The following MTREX variants were observed in gnomAD, a reference collection of about 807,000 sequenced individuals.
MTREX encodes the protein Mtr4 exosome RNA helicase.
Under a neutral mutation model 135.4 loss-of-function variants are expected in MTREX, and 76 were observed. That is an observed-to-expected ratio of 0.56 (90% CI 0.47 to 0.68). The LOEUF (loss-of-function observed/expected upper bound fraction) is 0.68. Among genes scored for constraint, MTREX ranks in the 30% least tolerant of loss-of-function variants. The probability of loss-of-function intolerance (pLI) is 0.00; values close to 1 mark genes in which losing one functional copy is unlikely to be tolerated. For missense variants in MTREX, 920 were observed against 1,262.1 expected (o/e 0.73, Z 4.11); for synonymous variants, 404 against 401.6 (o/e 1.01, Z -0.07).
At chr5:55,372,892 ATGTGTGTGTGTGTGTG>A (rs59026723) in intron 16 of MTREX, among the ~76,000 whole-genome samples, 34 of 120,990 alleles carry the variant, frequency 2.8e-4, no homozygotes, top group South Asian at 1.8e-3. Flanking sequence ...TAAAACTGTA[ATGTGTGTGTGTGTGTG>A]TGTGTGTGTG....
Position 55,416,101 on chromosome 5 carries a change from C to A in MTREX, c.2940C>A (p.Ala980=). 2 of 1,586,644 alleles carry A rather than the reference C, an allele frequency of 1.3e-6. No individual in the cohort carries two copies. The highest frequency in any genetic ancestry group is 1.9e-5 in the Admixed American group (1 of 53,442). The stretch of plus-strand genomic sequence containing the variant: ...CCTGGGCAACTGGAGCTACATTTGC[C>A]CATATCTGCAAAATGACAGATGTCT... ...VYTWATGATF[A]HICKMTDVFE... The change falls in exon 25 of 27, where the codon GCC becomes GCA. Residue 980 remains alanine (A), a synonymous_variant. Coordinates refer to ENST00000230640, the MANE Select transcript of MTREX (RefSeq NM_015360.5).
Position 55,414,247 on chromosome 5 carries a change from T to TG in MTREX, c.2808+9_2808+10insG. ...CACTTCGTCAAATGCAGGTAAGGTT[T>TG]TTTTTTTTTTTTTTTGAACTACATA... On this transcript the variant is annotated intron_variant, in intron 24 of 26. Transcript: ENST00000230640. The TG allele has an allele frequency of 1.1e-5, 16 of 1,402,458 alleles. No homozygotes were observed. Among genetic ancestry groups the TG allele is most frequent in the South Asian group, 2.9e-5 (2 of 69,238 alleles). 86.9% of individuals were successfully genotyped at this position (1,402,458 alleles called of 1,614,324 possible). A position where few individuals can be genotyped will look rare whatever the true frequency, so the allele number is the denominator to read the frequency against.
chr5:55,331,207 A>T (rs1749469416), intron 5 of MTREX, among the ~76,000 whole-genome samples: 1 of 151,958 alleles, frequency 6.6e-6, no homozygotes, highest in Non-Finnish European at 1.5e-5. Flanking sequence ...TTCATTACAG[A>T]CTGTGTTTTC....
chr5:55,377,950 G>A (rs1270244371), intron 16 of MTREX, among the ~76,000 whole-genome samples: 1 of 150,992 alleles, frequency 6.6e-6, no homozygotes, highest in Non-Finnish European at 1.5e-5. Flanking sequence ...CATTTGAAAA[G>A]AGATCCTGAG....
In MTREX at chr5:55,331,185, T is replaced by TA. The variant is rs200665492; in HGVS notation, c.515+2383dup. ...CATTTTTGGATCTGATTTTATTGAT[T>TA]AAAAAAAAATTTTCATTACAGACTG... On this transcript the variant is annotated intron_variant, in intron 5 of 26. Transcript: ENST00000230640. 4.9e-4 allele frequency among the ~76,000 whole-genome samples: 74 copies of TA among 152,020 alleles called. No homozygotes were observed. The East Asian group carries it at 0.014, about 29-fold the overall frequency.
intron 3 of MTREX, among the ~76,000 whole-genome samples, chr5:55,327,086 C>T (rs1480412438): frequency 6.6e-6 from 1 of 152,156 alleles, no homozygotes; most frequent in Non-Finnish European, 1.5e-5. Flanking sequence ...TTTTCTTTAT[C>T]CAGTCTATCA....
At chr5:55,359,236 G>A (rs1238107657) in intron 15 of MTREX, among the ~76,000 whole-genome samples, 2 of 152,174 alleles carry the variant, frequency 1.3e-5, no homozygotes, top group South Asian at 2.1e-4. Flanking sequence ...TTGTGCTTCG[G>A]ATGGTCTAGG....
chr5:55,343,565 AC>A lies in MTREX; in HGVS notation c.906+111del, dbSNP rs113678519. 2.7e-3 allele frequency: 2,508 copies of A among 925,014 alleles called. 40 individuals carry two copies. The African/African-American group carries it at 0.036, about 13-fold the overall frequency. The allele number at this position is 925,014 out of a possible 1,614,324, so 57.3% of individuals were successfully genotyped here. On this transcript the variant is annotated intron_variant, in intron 8 of 26. Coordinates refer to ENST00000230640, the MANE Select transcript of MTREX (RefSeq NM_015360.5). ...GATGTTGTCCAGAATAATAAAAAAAACATTTTAATGGTAAACTGCTTCTCAA... is the reference window on the plus strand; with the variant it reads ...GATGTTGTCCAGAATAATAAAAAAAAATTTTAATGGTAAACTGCTTCTCAA...
intron 16 of MTREX, among the ~76,000 whole-genome samples, chr5:55,375,632 G>C (rs1239366083): frequency 6.6e-6 from 1 of 152,008 alleles, no homozygotes; most frequent in Non-Finnish European, 1.5e-5. Flanking sequence ...AACTATTACA[G>C]GGTCCTGAGG....
At chr5:55,375,619 T>C (rs1172182910) in intron 16 of MTREX, among the ~76,000 whole-genome samples, 2 of 152,132 alleles carry the variant, frequency 1.3e-5, no homozygotes, top group Non-Finnish European at 2.9e-5. Context: ...GTGCAGTTAA[T>C]GCAACTATTA....
intron 1 of MTREX, among the ~76,000 whole-genome samples, chr5:55,320,962 G>A (rs964670873): frequency 6.6e-6 from 1 of 152,100 alleles, no homozygotes; most frequent in African/African-American, 2.4e-5. Flanking sequence ...TACAGAAACA[G>A]GTGAATCCTG....
chr5:55,418,340 T>G (rs1005729940), intron 25 of MTREX, among the ~76,000 whole-genome samples: 2 of 151,004 alleles, frequency 1.3e-5, no homozygotes, highest in Non-Finnish European at 2.9e-5. Context: ...AAAATTGTCT[T>G]TATGGATTAT....
chr5:55,351,242 T>C (rs535427629), intron 13 of MTREX, among the ~76,000 whole-genome samples: 59 of 152,250 alleles, frequency 3.9e-4, no homozygotes, highest in Admixed American at 9.2e-4. Flanking sequence ...TCTTCAAGAA[T>C]GTAGTGGTGG....
At chr5:55,339,166 C>A (rs1010033847) in intron 5 of MTREX, among the ~76,000 whole-genome samples, 1 of 152,100 alleles carries the variant, frequency 6.6e-6, no homozygotes, top group Non-Finnish European at 1.5e-5. Context: ...TTTCTTGTGA[C>A]TGCTTCTTTT....
At chr5:55,415,842 A>G in intron 24 of MTREX, 128 bp from the exon 25 acceptor site, 5 of 579,362 alleles carry the variant, frequency 8.6e-6, no homozygotes, top group Non-Finnish European at 1.5e-5. Context: ...TAGGAGCAGA[A>G]TGTCCACATT....
chr5:55,370,559 G>A (rs1052522502), intron 16 of MTREX, among the ~76,000 whole-genome samples: 1 of 152,052 alleles, frequency 6.6e-6, no homozygotes, highest in African/African-American at 2.4e-5. Flanking sequence ...GTTTTAAAGG[G>A]GCAGGCTCTG....
At chr5:55,361,620 A>G (rs1465011496) in intron 15 of MTREX, among the ~76,000 whole-genome samples, 3 of 151,700 alleles carry the variant, frequency 2.0e-5, no homozygotes, top group Non-Finnish European at 2.9e-5. Context: ...ACACCCAGCT[A>G]ATTTTTGTAT....
intron 26 of MTREX, 30 bp from the exon 27 acceptor site, chr5:55,424,690 A>G: frequency 6.4e-7 from 1 of 1,565,990 alleles, no homozygotes; most frequent in Non-Finnish European, 8.8e-7. Flanking sequence ...GTGGTCTTGA[A>G]AGTTTAAACC....
chr5:55,422,532 G>A (rs1478268609), intron 25 of MTREX, among the ~76,000 whole-genome samples: 1 of 152,132 alleles, frequency 6.6e-6, no homozygotes, highest in Non-Finnish European at 1.5e-5. Context: ...TCCTTCCCTT[G>A]TTGCTGCTGC....
Sources: gnomAD v4.1 joint callset for allele counts (sites outside exome capture counted in the v4.1 genomes callset) on GRCh38, gnomAD v4.1.1 for gene constraint, MANE v1.5 for transcripts, NCBI Gene and HGNC (gene_info 2026-07-23, HGNC 2026-07-21) for gene names.